POLB: variants seen among roughly 807,000 people sequenced by gnomAD.
POLB encodes the protein 5'-dRP lyase.
Under a neutral mutation model 52.7 loss-of-function variants are expected in POLB, and 37 were observed. The observed-to-expected ratio is 0.70, with a 90% CI of 0.54 to 0.92. The LOEUF is 0.92. Among genes scored for constraint, POLB ranks in the 40% least tolerant of loss-of-function variants. The probability of loss-of-function intolerance (pLI) is 0.00; values close to 1 mark genes in which losing one functional copy is unlikely to be tolerated. For missense variants in POLB, 313 were observed against 400.8 expected, an observed-to-expected ratio of 0.78 and a Z score of 1.87; for synonymous variants, 138 against 131.3, an observed-to-expected ratio of 1.05 and a Z score of -0.35.
In POLB at chr8:42,369,831, A is replaced by G; in HGVS notation, c.774-18A>G. 1 of 1,542,252 alleles carries G rather than the reference A, an allele frequency of 6.5e-7. No individual in the cohort carries two copies. Among genetic ancestry groups the G allele is most frequent in the Non-Finnish European group, 8.8e-7 (1 of 1,139,130 alleles). Reference sequence around the variant, plus strand: ...AAATGCATGGTAAAAAAATGTATCTACTGTCCATTTTTTTTAGGTTGATAC... The same window carrying G: ...AAATGCATGGTAAAAAAATGTATCTGCTGTCCATTTTTTTTAGGTTGATAC... On this transcript the variant is annotated intron_variant, in intron 12 of 13. Coordinates refer to ENST00000265421, the MANE Select transcript of POLB (RefSeq NM_002690.3).
rs982407480 is a variant in POLB, at chr8:42,361,046, A to G, written c.551-249A>G. ...GGTGCATTTTTAATACATTAAATTA[A>G]CTCGTTGTATGCAATGTATATCTAA... On this transcript the variant is annotated intron_variant, in intron 9 of 13. Coordinates refer to ENST00000265421, the MANE Select transcript of POLB (RefSeq NM_002690.3). 6.6e-5 allele frequency: 42 copies of G among 632,250 alleles called. No individual in the cohort carries two copies. In the Admixed American group the frequency reaches 9.0e-4, roughly 14 times the overall value. The allele number at this position is 632,250 out of a possible 1,614,324, so 39.2% of individuals were successfully genotyped here.
chr8:42,366,176 T>C (rs1459655210), intron 11 of POLB, among the ~76,000 whole-genome samples: 1 of 151,652 alleles, frequency 6.6e-6, no homozygotes, highest in Non-Finnish European at 1.5e-5. Flanking sequence ...GGTAGCCAAG[T>C]CTTTGTGATC....
In POLB at chr8:42,357,154, A is replaced by C. The variant is rs373888562; in HGVS notation, c.423-15A>C. The C allele has an allele frequency of 7.0e-7, 1 of 1,419,678 alleles. No homozygotes were observed. Among genetic ancestry groups the C allele is most frequent in the African/African-American group, 1.4e-5 (1 of 70,532 alleles). 87.9% of individuals were successfully genotyped at this position (1,419,678 alleles called of 1,614,324 possible). A position where few individuals can be genotyped will look rare whatever the true frequency, so the allele number is the denominator to read the frequency against. ...TTTTACGAAAATCTTTTGTCTACTT[A>C]TTCTGTCTTTATAGATATTTTGGGG... is the stretch of plus-strand genomic sequence containing the variant. On this transcript the variant is annotated splice_polypyrimidine_tract_variant and intron_variant, in intron 7 of 13. Transcript: ENST00000265421.
chr8:42,342,351 A>G (rs1363611806), intron 2 of POLB: 2 of 1,506,166 alleles, frequency 1.3e-6, no homozygotes, highest in Non-Finnish European at 1.8e-6. Flanking sequence ...ATGTTGCAGC[A>G]TAATTTGTCA....
intron 9 of POLB, among the ~76,000 whole-genome samples, chr8:42,359,521 ATT>A (rs900964546): frequency 1.6e-3 from 181 of 110,534 alleles, no homozygotes; most frequent in African/African-American, 6.8e-3. Flanking sequence ...CACCCGGCTA[ATT>A]TTTTTTTTTT....
Position 42,353,529 on chromosome 8 carries a change from A to G in POLB, c.370+961A>G, listed in dbSNP as rs77957440. On this transcript the variant is annotated intron_variant, in intron 6 of 13. Coordinates refer to ENST00000265421, the MANE Select transcript of POLB (RefSeq NM_002690.3). Reference sequence around the variant, plus strand: ...GTTATTAAAGGAATTTTTGCTTTCAAAGAAAAGATAAAAATAGAACCTAAC... The same window carrying G: ...GTTATTAAAGGAATTTTTGCTTTCAGAGAAAAGATAAAAATAGAACCTAAC... Among the ~76,000 whole-genome samples, 627 of 152,334 alleles carry G rather than the reference A, an allele frequency of 4.1e-3. 8 individuals are homozygous for G. The highest frequency in any genetic ancestry group is 0.014 in the African/African-American group (602 of 41,586).
chr8:42,346,812 T>C (rs1018072411), intron 3 of POLB, among the ~76,000 whole-genome samples: 1 of 152,208 alleles, frequency 6.6e-6, no homozygotes, highest in African/African-American at 2.4e-5. Flanking sequence ...AACCTTGACT[T>C]CGCTACTCAG....
At chr8:42,348,670 T>G (rs963117957) in intron 3 of POLB, among the ~76,000 whole-genome samples, 1 of 152,234 alleles carries the variant, frequency 6.6e-6, no homozygotes, top group Non-Finnish European at 1.5e-5. Flanking sequence ...TTATGAATAT[T>G]ATTATACTGT....
chr8:42,361,259 C>T (rs1223340817), intron 9 of POLB, 36 bp from the exon 10 acceptor site: 1 of 1,495,806 alleles, frequency 6.7e-7, no homozygotes, highest in Admixed American at 1.7e-5. Flanking sequence ...GATACATTTA[C>T]ATGGACAATC....
intron 5 of POLB, 75 bp from the exon 6 acceptor site, chr8:42,352,444 C>G: frequency 1.1e-6 from 1 of 923,906 alleles, no homozygotes; most frequent in Non-Finnish European, 1.8e-6. Context: ...AGCAGCTCTT[C>G]TTACTATTAA....
rs1219766285 is a variant in POLB at position 42,369,291 on chromosome 8, T to C, written c.729T>C (p.Ser243=). 1.9e-6 allele frequency: 3 copies of C among 1,588,618 alleles called. No homozygotes were observed. In the East Asian group the frequency reaches 6.7e-5, roughly 36 times the overall value. The change falls in exon 12 of 14, where the codon AGT becomes AGC. Residue 243 remains serine (S), a synonymous_variant. Coordinates refer to ENST00000265421, the MANE Select transcript of POLB (RefSeq NM_002690.3). The stretch of plus-strand genomic sequence containing the variant: ...TTTAGGGTGTTTGCCAGCTTCCCAG[T>C]AAAAATGATGAAAAAGAATATCCAC... The part of the protein sequence containing the change: ...TKFMGVCQLP[S]KNDEKEYPHR...
intron 2 of POLB, among the ~76,000 whole-genome samples, chr8:42,340,326 G>A (rs1433739063): frequency 1.3e-5 from 2 of 152,276 alleles, no homozygotes; most frequent in African/African-American, 4.8e-5. Flanking sequence ...TGTAGTAGGT[G>A]GCAGTCAAAA....
intron 9 of POLB, among the ~76,000 whole-genome samples, chr8:42,359,048 T>C (rs1823507565): frequency 6.6e-6 from 1 of 152,168 alleles, no homozygotes; most frequent in Non-Finnish European, 1.5e-5. Context: ...TTAATTTTAC[T>C]TTTTTGGGGT....
At chr8:42,342,491 A>G (rs529990868) in intron 2 of POLB, 2 of 1,018,852 alleles carry the variant, frequency 2.0e-6, no homozygotes, top group South Asian at 1.3e-5. Flanking sequence ...ATCATCCTCT[A>G]TTTGGGTGTG....
At chr8:42,363,121 CAAA>C (rs57571391) in intron 11 of POLB, among the ~76,000 whole-genome samples, 1 of 113,436 alleles carries the variant, frequency 8.8e-6, no homozygotes. Context: ...GAAACTCCGC[CAAA>C]AAAAAAAAAA....
chr8:42,344,484 A>G (rs1372814683), intron 2 of POLB, among the ~76,000 whole-genome samples: 1 of 150,106 alleles, frequency 6.7e-6, no homozygotes, highest in Non-Finnish European at 1.5e-5. Context: ...AAAAAAAAAA[A>G]GTTAGACATA....
At chr8:42,361,010 GTAGT>G (rs1187530985) in intron 9 of POLB, 16 of 546,122 alleles carry the variant, frequency 2.9e-5, no homozygotes, top group Non-Finnish European at 4.4e-5. Context: ...TCATTATTGA[GTAGT>G]TACTTAGGTG....
intron 12 of POLB, chr8:42,369,570 G>T: frequency 1.9e-6 from 1 of 520,514 alleles, no homozygotes; most frequent in Non-Finnish European, 3.4e-6. Flanking sequence ...GCCTTCCACA[G>T]CTCAAAAGTC....
intron 2 of POLB, among the ~76,000 whole-genome samples, chr8:42,341,168 T>C (rs1024194663): frequency 7.9e-5 from 12 of 152,248 alleles, no homozygotes; most frequent in African/African-American, 2.9e-4. Context: ...AGTATTCTTT[T>C]GAAAATAGTT....
Sources: gnomAD v4.1 joint callset for allele counts (sites outside exome capture counted in the v4.1 genomes callset) on GRCh38, gnomAD v4.1.1 for gene constraint, MANE v1.5 for transcripts, NCBI Gene and HGNC (gene_info 2026-07-23, HGNC 2026-07-21) for gene names.